RORA: variants seen among roughly 807,000 people sequenced by gnomAD.
The protein encoded by RORA is RAR related orphan receptor A, also known as nuclear receptor ROR-alpha.
A neutral mutation model predicts 69.5 loss-of-function variants in RORA; 7 were observed. The ratio of observed to expected loss-of-function variants is 0.10; its 90% CI spans 0.06 to 0.19. The LOEUF (loss-of-function observed/expected upper bound fraction) is 0.19. Ranked by LOEUF, RORA falls within the 10% of genes least tolerant of loss-of-function variation. The pLI is 1.00. For synonymous variants in RORA, 261 were observed against 240.8 expected (o/e 1.08, Z -0.78); for missense variants, 457 against 663.0 (o/e 0.69, Z 3.41).
intron 2 of RORA, among the ~76,000 whole-genome samples, chr15:60,668,004 A>G (rs1407511020): frequency 1.3e-5 from 2 of 151,758 alleles, no homozygotes; most frequent in Admixed American, 6.6e-5. Context: ...TGGTTAGTTT[A>G]TAGATAGAAG....
chr15:60,669,800 A>ATTTTCCTGC (rs1278655189), intron 2 of RORA, among the ~76,000 whole-genome samples: 2 of 152,244 alleles, frequency 1.3e-5, no homozygotes, highest in Admixed American at 6.5e-5. Context: ...TTGAAATGGC[A>ATTTTCCTGC]AAATTTCATA....
At chr15:60,794,259 G>T (rs2072458374) in intron 1 of RORA, among the ~76,000 whole-genome samples, 1 of 152,242 alleles carries the variant, frequency 6.6e-6, no homozygotes. Flanking sequence ...TTAATGAAGA[G>T]AGTAGAGAAA....
chr15:60,840,916 G>A (rs2140403064), intron 1 of RORA, among the ~76,000 whole-genome samples: 1 of 152,304 alleles, frequency 6.6e-6, no homozygotes, highest in East Asian at 1.9e-4. Flanking sequence ...CCCAAAAAAA[G>A]CAACACTGAG....
intron 2 of RORA, among the ~76,000 whole-genome samples, chr15:60,658,393 G>A (rs1434685205): frequency 6.6e-6 from 1 of 152,110 alleles, no homozygotes; most frequent in Non-Finnish European, 1.5e-5. Context: ...CCATATAGTA[G>A]GAGGTCAGGG....
chr15:61,174,973 G>C (rs993444199), intron 1 of RORA, among the ~76,000 whole-genome samples: 2 of 152,144 alleles, frequency 1.3e-5, no homozygotes, highest in Non-Finnish European at 2.9e-5. Flanking sequence ...AAATCTGCTT[G>C]ACTGCAAAGC....
At chr15:60,949,896 T>G (rs1354221074) in intron 1 of RORA, among the ~76,000 whole-genome samples, 2 of 152,214 alleles carry the variant, frequency 1.3e-5, no homozygotes, top group African/African-American at 4.8e-5. Flanking sequence ...ACTTTCACAG[T>G]CATTTCCAGC....
chr15:60,514,616 C>T lies in RORA; in HGVS notation c.424G>A (p.Ala142Thr). 6.2e-7 allele frequency: 1 copy of T among 1,613,866 alleles called. No individual in the cohort carries two copies. Among genetic ancestry groups the T allele is most frequent in the Non-Finnish European group, 8.5e-7 (1 of 1,179,858 alleles). Residue 142 changes from alanine to threonine, a missense_variant and splice_region_variant, in exon 4 of 11, where the codon GCT (alanine) becomes ACT (threonine). Around this residue, in one of 3 missense-constraint regions of RORA, gnomAD observed 34 missense variants for 123.2 expected, o/e 0.28. Transcript: ENST00000335670. ...TACAACTCAAGCTGTGAGAGCTCACCATCTCGAGACATCCCTACGGCAAGG... is the reference window on the plus strand; with the variant it reads ...TACAACTCAAGCTGTGAGAGCTCACTATCTCGAGACATCCCTACGGCAAGG... ...KCLAVGMSRDAVKFGRMSKKQ... is the reference protein window; with the variant it reads ...KCLAVGMSRDTVKFGRMSKKQ...
chr15:61,026,138 C>T (rs1320814793), intron 1 of RORA, among the ~76,000 whole-genome samples: 1 of 152,168 alleles, frequency 6.6e-6, no homozygotes, highest in Non-Finnish European at 1.5e-5. Context: ...TCTTCGTGAG[C>T]TACCACAATT....
chr15:61,169,643 GAAAA>G (rs59638048), intron 1 of RORA, among the ~76,000 whole-genome samples: 3 of 86,300 alleles, frequency 3.5e-5, no homozygotes, highest in Admixed American at 1.2e-4. Flanking sequence ...CCATTTTCAT[GAAAA>G]AAAAAAAAAA....
chr15:60,875,958 AC>A (rs1356327907), intron 1 of RORA, among the ~76,000 whole-genome samples: 2 of 152,122 alleles, frequency 1.3e-5, no homozygotes, highest in Non-Finnish European at 2.9e-5. Flanking sequence ...TTAGTTTCAA[AC>A]TTTTGCTTGT....
At chr15:60,937,031 G>C (rs1595828806) in intron 1 of RORA, among the ~76,000 whole-genome samples, 2 of 152,080 alleles carry the variant, frequency 1.3e-5, no homozygotes, top group African/African-American at 4.8e-5. Flanking sequence ...CTTAATGTGT[G>C]CTAGGCACCA....
chr15:60,554,400 G>A (rs2067303074), intron 2 of RORA, among the ~76,000 whole-genome samples: 1 of 151,786 alleles, frequency 6.6e-6, no homozygotes, highest in Non-Finnish European at 1.5e-5. Context: ...AATATTTTTG[G>A]CACTAAAAAA....
chr15:60,950,092 G>A lies in RORA; in HGVS notation c.167-271406C>T, dbSNP rs541748854. 4.9e-4 allele frequency among the ~76,000 whole-genome samples: 74 copies of A among 151,372 alleles called. No homozygotes were observed. In the Middle Eastern group the frequency reaches 0.017, roughly 35 times the overall value. ...CCATCAGACTAACAGCGGATCTCTCGGCAGAAACCCTACAAGCCAGAAGAG... is the reference window on the plus strand; with the variant it reads ...CCATCAGACTAACAGCGGATCTCTCAGCAGAAACCCTACAAGCCAGAAGAG... On this transcript the variant is annotated intron_variant, in intron 1 of 10. Coordinates refer to ENST00000335670, the MANE Select transcript of RORA (RefSeq NM_134261.3).
intron 1 of RORA, among the ~76,000 whole-genome samples, chr15:61,032,891 C>A (rs528923076): frequency 6.6e-6 from 1 of 152,230 alleles, no homozygotes; most frequent in Non-Finnish European, 1.5e-5. Flanking sequence ...ATATTACATG[C>A]GTATACATTT....
intron 1 of RORA, among the ~76,000 whole-genome samples, chr15:60,678,907 T>C (rs2070596316): frequency 6.6e-6 from 1 of 152,200 alleles, no homozygotes; most frequent in Non-Finnish European, 1.5e-5. Flanking sequence ...TAAGAGGTTC[T>C]GTGGTAAAAG....
Position 61,021,397 on chromosome 15 carries a change from T to C in RORA, c.166+207656A>G, listed in dbSNP as rs140114779. ...TTTTCCAAACCTGTGTCTGTTTAAG[T>C]GATTATAGCTAACATTCAGTAAGTG... is the stretch of plus-strand genomic sequence containing the variant. On this transcript the variant is annotated intron_variant, in intron 1 of 10. Transcript: ENST00000335670. 5.3e-5 allele frequency among the ~76,000 whole-genome samples: 8 copies of C among 152,350 alleles called. No homozygotes were observed. In the East Asian group the frequency reaches 1.3e-3, roughly 26 times the overall value.
chr15:60,590,759 T>C (rs751172922), intron 2 of RORA, among the ~76,000 whole-genome samples: 24 of 152,242 alleles, frequency 1.6e-4, no homozygotes, highest in Non-Finnish European at 3.1e-4. Flanking sequence ...TTAATAATTT[T>C]TCCTCCCAAA....
rs373890869 is a variant in RORA at position 60,505,314 on chromosome 15, C to T, written c.942+194G>A. On this transcript the variant is annotated intron_variant, in intron 6 of 10. Transcript: ENST00000335670. ...TAGAAAGCACAATAGAAATTATTTG[C>T]TATTGCTGAAATTTTGCATCTGAGT... Among the ~76,000 whole-genome samples, 8 of 152,172 alleles carry T rather than the reference C, an allele frequency of 5.3e-5. No homozygotes were observed. The East Asian group carries it at 1.5e-3, about 29-fold the overall frequency.
chr15:60,575,626 A>C (rs968526111), intron 2 of RORA, among the ~76,000 whole-genome samples: 2 of 152,224 alleles, frequency 1.3e-5, no homozygotes, highest in Non-Finnish European at 2.9e-5. Flanking sequence ...ACAAATGATA[A>C]ATGTAAGCTT....
Sources: allele counts gnomAD v4.1 joint callset (sites outside exome capture counted in the v4.1 genomes callset), GRCh38; gene constraint gnomAD v4.1.1; regional missense constraint gnomAD v4.1.1; transcripts MANE v1.5; gene names NCBI Gene and HGNC (gene_info 2026-07-23, HGNC 2026-07-21).